Variants in SV2C observed in about 807,000 individuals in gnomAD.
SV2C encodes the protein solute carrier family 22 member B3.
In SV2C, 49 loss-of-function variants were observed where a neutral mutation model predicts 79.7. The observed-to-expected ratio is 0.61, with a 90% CI of 0.49 to 0.78. SV2C has a LOEUF of 0.78. SV2C is among the 30% of genes least tolerant of loss of function. The pLI is 0.00. For missense variants in SV2C, 833 were observed against 912.9 expected (o/e 0.91, Z 1.13); for synonymous variants, 334 against 333.2 (o/e 1.00, Z -0.03).
At chr5:76,319,393 G>T (rs912489406) in intron 12 of SV2C, among the ~76,000 whole-genome samples, 9 of 152,064 alleles carry the variant, frequency 5.9e-5, no homozygotes, top group Admixed American at 3.3e-4. Context: ...ACTCCAGCCT[G>T]GGCCACAGAG....
At chr5:76,077,799 T>C in the SV2C span, among the ~76,000 whole-genome samples, 1 of 152,192 alleles carries the variant, frequency 6.6e-6, no homozygotes, top group Non-Finnish European at 1.5e-5. Context: ...AGGGTCCATG[T>C]GGATCTGGGT....
the SV2C span, among the ~76,000 whole-genome samples, chr5:76,007,324 T>C: frequency 1.3e-5 from 2 of 151,968 alleles, no homozygotes; most frequent in Non-Finnish European, 2.9e-5. Flanking sequence ...GAAATAATCA[T>C]GGCATTTGAA....
intron 8 of SV2C, among the ~76,000 whole-genome samples, chr5:76,295,085 G>A (rs1561302710): frequency 6.6e-6 from 1 of 152,182 alleles, no homozygotes; most frequent in Non-Finnish European, 1.5e-5. Flanking sequence ...GATGTCAGAT[G>A]TCTTACTCCA....
At chr5:76,222,215 T>C (rs1243109161) in intron 4 of SV2C, among the ~76,000 whole-genome samples, 1 of 152,192 alleles carries the variant, frequency 6.6e-6, no homozygotes, top group Non-Finnish European at 1.5e-5. Flanking sequence ...GTATGCATGG[T>C]TATCCATACA....
At position 76,295,863 on chromosome 5, in the gene SV2C, A is replaced by C. The variant is rs768604016; in HGVS notation, c.1423A>C (p.Arg475=). ...EYALLTRNVE[R]DKYANFTINF... Reference sequence around the variant, plus strand: ...TGCATTGCTAACCAGAAATGTGGAGAGAGATAAATATGCAAATTTCACTAT... The same window carrying C: ...TGCATTGCTAACCAGAAATGTGGAGCGAGATAAATATGCAAATTTCACTAT... The change falls in exon 9 of 13, where the codon AGA becomes CGA. Residue 475 remains arginine, a synonymous_variant. Transcript: ENST00000502798. 1.2e-6 allele frequency: 2 copies of C among 1,613,558 alleles called. No individual in the cohort carries two copies. The highest frequency in any genetic ancestry group is 8.5e-7 in the Non-Finnish European group (1 of 1,179,712).
chr5:76,094,200 A>AT (rs891380088), intron 1 of SV2C, among the ~76,000 whole-genome samples: 1 of 152,140 alleles, frequency 6.6e-6, no homozygotes, highest in Non-Finnish European at 1.5e-5. Context: ...TGATGGTATA[A>AT]TTTTTTTCCA....
intron 12 of SV2C, among the ~76,000 whole-genome samples, chr5:76,345,824 C>T (rs1052979407): frequency 8.5e-5 from 13 of 152,162 alleles, no homozygotes; most frequent in Non-Finnish European, 1.2e-4. Context: ...CACCTGACAT[C>T]ACATAGCTAG....
chr5:76,239,740 T>A lies in SV2C; in HGVS notation c.913+29853T>A, dbSNP rs898684148. On this transcript the variant is annotated intron_variant, in intron 4 of 12. Coordinates refer to ENST00000502798, the MANE Select transcript of SV2C (RefSeq NM_014979.4). ...CCCAAGCTAGTGATCAAAGAGTAAC[T>A]AAGGCAAAATCTGCAATGCCTTTCC... Among the ~76,000 whole-genome samples the A allele has an allele frequency of 3.3e-5, 5 of 152,174 alleles. No individual in the cohort carries two copies. The South Asian group carries it at 8.3e-4, about 25-fold the overall frequency.
rs138926831 is a variant in SV2C, at chr5:76,320,926, A to G, written c.2001-4438A>G. Among the ~76,000 whole-genome samples the G allele has an allele frequency of 1.2e-3, 187 of 152,152 alleles. 3 individuals carry two copies. The East Asian group carries it at 0.015, about 12-fold the overall frequency. On this transcript the variant is annotated intron_variant, in intron 12 of 12. Coordinates refer to ENST00000502798, the MANE Select transcript of SV2C (RefSeq NM_014979.4). Reference sequence around the variant, plus strand: ...TTTGCCTCACTTCAGGAGCCTGCATACTCTACTTTCTAGGTGTCTTAGCCA... The same window carrying G: ...TTTGCCTCACTTCAGGAGCCTGCATGCTCTACTTTCTAGGTGTCTTAGCCA...
intron 2 of SV2C, among the ~76,000 whole-genome samples, chr5:76,141,241 G>T (rs767346572): frequency 2.0e-5 from 3 of 152,172 alleles, no homozygotes; most frequent in Admixed American, 6.5e-5. Context: ...TTCTAAGACG[G>T]TGAGAATTTG....
At chr5:75,993,208 T>C in the SV2C span, among the ~76,000 whole-genome samples, 1 of 152,144 alleles carries the variant, frequency 6.6e-6, no homozygotes, top group Non-Finnish European at 1.5e-5. Flanking sequence ...TTTTTCATGT[T>C]TCTAAACATT....
At chr5:75,921,626 A>G in the SV2C span, 1 of 926,230 alleles carries the variant, frequency 1.1e-6, no homozygotes, top group East Asian at 2.9e-5. Context: ...CCCCTTCTTG[A>G]TGTTTTTCCT....
intron 2 of SV2C, among the ~76,000 whole-genome samples, chr5:76,145,003 A>T (rs575122961): frequency 3.3e-5 from 5 of 152,248 alleles, no homozygotes; most frequent in Non-Finnish European, 7.3e-5. Flanking sequence ...GGCCCAAGAG[A>T]AGAGCTCACA....
chr5:76,137,028 G>A (rs982586361), intron 2 of SV2C, among the ~76,000 whole-genome samples: 13 of 152,166 alleles, frequency 8.5e-5, no homozygotes, highest in African/African-American at 2.9e-4. Context: ...GACTTAAAAT[G>A]TCAAATAGAC....
chr5:76,125,672 T>A (rs1008370057), intron 1 of SV2C, among the ~76,000 whole-genome samples: 1 of 152,176 alleles, frequency 6.6e-6, no homozygotes, highest in Admixed American at 6.5e-5. Context: ...AGGTGCAGAT[T>A]GCACCTTGGG....
intron 3 of SV2C, among the ~76,000 whole-genome samples, chr5:76,198,574 T>G (rs1443289651): frequency 1.3e-5 from 2 of 152,160 alleles, no homozygotes; most frequent in African/African-American, 4.8e-5. Flanking sequence ...GCAACAAAAA[T>G]GGACTAAGAC....
the SV2C span, among the ~76,000 whole-genome samples, chr5:75,996,784 TTGTC>T: frequency 6.6e-6 from 1 of 151,212 alleles, no homozygotes; most frequent in South Asian, 2.1e-4. Flanking sequence ...GGCTCTCTGT[TTGTC>T]TGTTATTGGT....
At chr5:76,111,424 T>C (rs1425524136) in intron 1 of SV2C, among the ~76,000 whole-genome samples, 2 of 152,156 alleles carry the variant, frequency 1.3e-5, no homozygotes, top group African/African-American at 2.4e-5. Context: ...GTGAGAGAAA[T>C]TGAAAGAAGG....
the SV2C span, among the ~76,000 whole-genome samples, chr5:76,052,452 G>T: frequency 1.3e-5 from 2 of 152,202 alleles, no homozygotes; most frequent in African/African-American, 4.8e-5. Flanking sequence ...GCTCCTGGCT[G>T]ACTTCTATGG....
Sources: gnomAD v4.1 joint callset for allele counts (sites outside exome capture counted in the v4.1 genomes callset) on GRCh38, gnomAD v4.1.1 for gene constraint, MANE v1.5 for transcripts, NCBI Gene and HGNC (gene_info 2026-07-23, HGNC 2026-07-21) for gene names.